CSMD2: variants seen among roughly 807,000 people sequenced by gnomAD.
CSMD2 encodes the protein CUB and Sushi multiple domains 2.
Under a neutral mutation model 398.5 loss-of-function variants are expected in CSMD2, and 130 were observed. That is an observed-to-expected ratio of 0.33 (90% confidence interval 0.28 to 0.38). The LOEUF is 0.38. CSMD2 is among the 10% of genes least tolerant of loss of function. The pLI, the probability that CSMD2 is intolerant of heterozygous loss-of-function variation, is 1.00. For synonymous variants in CSMD2, 1,828 were observed against 1,908.5 expected, an observed-to-expected ratio of 0.96 and a Z score of 1.10; for missense variants, 3,829 against 4,764.9, an observed-to-expected ratio of 0.80 and a Z score of 5.78.
At chr1:33,697,051 T>C (rs916233652) in intron 24 of CSMD2, among the ~76,000 whole-genome samples, 40 of 152,352 alleles carry the variant, frequency 2.6e-4, no homozygotes, top group African/African-American at 9.6e-4. Context: ...TCCAAGGTTC[T>C]AGTGTAAGTC....
chr1:33,857,962 T>G (rs1009634087), intron 5 of CSMD2, among the ~76,000 whole-genome samples: 7 of 152,058 alleles, frequency 4.6e-5, no homozygotes, highest in African/African-American at 1.7e-4. Flanking sequence ...CAACCCAGAG[T>G]TGGTCTTGTT....
chr1:33,678,256 T>A (rs1644785974), intron 25 of CSMD2, among the ~76,000 whole-genome samples: 1 of 151,176 alleles, frequency 6.6e-6, no homozygotes, highest in South Asian at 2.1e-4. Flanking sequence ...GCTGGCACCA[T>A]GCTTCTTGTA....
At chr1:34,081,095 G>GT (rs1462815718) in intron 2 of CSMD2, among the ~76,000 whole-genome samples, 1 of 152,018 alleles carries the variant, frequency 6.6e-6, no homozygotes, top group East Asian at 1.9e-4. Context: ...AATAAAATGG[G>GT]TGATTTTATT....
intron 5 of CSMD2, among the ~76,000 whole-genome samples, chr1:33,914,250 T>A (rs960327185): frequency 6.6e-6 from 1 of 152,108 alleles, no homozygotes; most frequent in South Asian, 2.1e-4. Flanking sequence ...GGCTCCTACA[T>A]TGAACTGGAA....
At chr1:33,861,447 A>G (rs1458780342) in intron 5 of CSMD2, 1 of 152,196 alleles carries the variant, frequency 6.6e-6, no homozygotes, top group Non-Finnish European at 1.5e-5. Context: ...CTCTAGACCA[A>G]TGCTCCTGCC....
chr1:34,095,918 G>A (rs1299101389), intron 1 of CSMD2, among the ~76,000 whole-genome samples: 4 of 152,046 alleles, frequency 2.6e-5, no homozygotes, highest in Non-Finnish European at 5.9e-5. Flanking sequence ...TATGAGGCCA[G>A]CATCATTCTG....
rs542233249 is a variant in CSMD2 at position 34,075,210 on chromosome 1, C to G, written c.404+13767G>C. On this transcript the variant is annotated intron_variant, in intron 2 of 70. Transcript: ENST00000373381. The stretch of plus-strand genomic sequence containing the variant: ...TTTGTTCTCCTTTCCAGTGTCCCCT[C>G]TCTGTTTCAATCCTGAACAAAGACT... 1.9e-4 allele frequency among the ~76,000 whole-genome samples: 29 copies of G among 152,340 alleles called. 1 individual carries two copies. Among genetic ancestry groups the G allele is most frequent in the Middle Eastern group, 6.8e-3 (2 of 294 alleles).
chr1:34,093,342 G>T (rs1198209997), intron 1 of CSMD2, among the ~76,000 whole-genome samples: 1 of 152,134 alleles, frequency 6.6e-6, no homozygotes, highest in Non-Finnish European at 1.5e-5. Flanking sequence ...ACTCTAAAAA[G>T]CAGAGCGCCT....
At chr1:33,883,718 C>T (rs1641392454) in intron 5 of CSMD2, among the ~76,000 whole-genome samples, 2 of 152,100 alleles carry the variant, frequency 1.3e-5, no homozygotes, top group Admixed American at 1.3e-4. Flanking sequence ...AGTCAAAGAC[C>T]CATATGATCC....
At chr1:33,791,195 G>T (rs1055660731) in intron 11 of CSMD2, among the ~76,000 whole-genome samples, 12 of 152,270 alleles carry the variant, frequency 7.9e-5, no homozygotes, top group Admixed American at 3.3e-4. Flanking sequence ...AAGGAGTGTG[G>T]CATGGGACAT....
intron 10 of CSMD2, among the ~76,000 whole-genome samples, chr1:33,796,127 C>T (rs750354742): frequency 4.4e-4 from 67 of 152,216 alleles, no homozygotes; most frequent in Non-Finnish European, 8.7e-4. Flanking sequence ...TGTATTTGGC[C>T]TGTAGGCTAT....
chr1:34,160,510 A>G (rs1641234523), intron 1 of CSMD2, among the ~76,000 whole-genome samples: 2 of 152,046 alleles, frequency 1.3e-5, no homozygotes. Flanking sequence ...TCATCTTATT[A>G]CCTCTGCAAA....
Position 33,602,437 on chromosome 1 carries a change from A to C in CSMD2, c.6642T>G (p.Ile2214Met). Residue 2214 changes from isoleucine (I) to methionine (M), a missense_variant, in exon 43 of 71, where the codon ATT becomes ATG. Physicochemically the swap from Ile to Met is conservative, Grantham distance 10 (BLOSUM62 1). Coordinates refer to ENST00000373381, the MANE Select transcript of CSMD2 (RefSeq NM_001281956.2). ...QDCVWLITVP[I>M]GHGVRLNLSL... ...TGAGGTTGAGGCGGACGCCATGGCC[A>C]ATGGGCACGGTGATCAGCCAGACAC... 1 of 1,614,022 alleles carries C rather than the reference A, an allele frequency of 6.2e-7. No individual in the cohort carries two copies. Among genetic ancestry groups the C allele is most frequent in the South Asian group, 1.1e-5 (1 of 91,064 alleles).
intron 3 of CSMD2, among the ~76,000 whole-genome samples, chr1:33,987,524 G>A (rs758671564): frequency 1.8e-4 from 28 of 152,102 alleles, no homozygotes; most frequent in African/African-American, 2.4e-5. Flanking sequence ...TTAGTAGCAC[G>A]CCAGGCAAAA....
chr1:33,790,661 G>GTCTGTCTA (rs575317509), intron 11 of CSMD2, among the ~76,000 whole-genome samples: 3,735 of 149,788 alleles, frequency 0.025, 60 homozygotes, highest in South Asian at 0.055. Context: ...CTGTTTGTCT[G>GTCTGTCTA]TCTATCTATC....
intron 5 of CSMD2, among the ~76,000 whole-genome samples, chr1:33,865,320 A>G (rs1639940775): frequency 6.7e-6 from 1 of 150,148 alleles, no homozygotes; most frequent in Non-Finnish European, 1.5e-5. Flanking sequence ...TTCCAGCAAC[A>G]CTTAGATACG....
intron 3 of CSMD2, among the ~76,000 whole-genome samples, chr1:33,989,838 G>A (rs143742687): frequency 1.3e-5 from 2 of 152,282 alleles, no homozygotes; most frequent in African/African-American, 4.8e-5. Flanking sequence ...TGCGGTCAGG[G>A]ATGGGAGGAG....
chr1:33,764,281 C>T (rs1292083640), intron 13 of CSMD2, among the ~76,000 whole-genome samples: 2 of 152,136 alleles, frequency 1.3e-5, no homozygotes, highest in Non-Finnish European at 1.5e-5. Context: ...CTCTGGCATA[C>T]ACTTCCCAGG....
chr1:33,695,230 G>T lies in CSMD2; in HGVS notation c.3926-2174C>A, dbSNP rs184381155. 1.1e-4 allele frequency among the ~76,000 whole-genome samples: 16 copies of T among 152,284 alleles called. No individual in the cohort carries two copies. In the East Asian group the frequency reaches 3.1e-3, roughly 29 times the overall value. On this transcript the variant is annotated intron_variant, in intron 24 of 70. Transcript: ENST00000373381. ...GGGTATGAGATAGGGAGATGGGGGA[G>T]ATGGGACTGGAAAGGTGAGGAAGCA...
Sources: gnomAD v4.1 joint callset for allele counts (sites outside exome capture counted in the v4.1 genomes callset) on GRCh38, gnomAD v4.1.1 for gene constraint, MANE v1.5 for transcripts, NCBI Gene and HGNC (gene_info 2026-07-23, HGNC 2026-07-21) for gene names.